The following TGM7 variants were observed in gnomAD, a reference collection of about 807,000 sequenced individuals.
The protein encoded by TGM7 is transglutaminase 7.
TGM7 carries 74 observed loss-of-function variants against 79.5 expected under a neutral mutation model. That is an observed-to-expected ratio of 0.93 (90% CI 0.77 to 1.13). TGM7 has a LOEUF of 1.13. Ranked by LOEUF, TGM7 falls within the 50% of genes most tolerant of loss-of-function variation. The probability of loss-of-function intolerance (pLI) is 0.00; values close to 1 mark genes in which losing one functional copy is unlikely to be tolerated. For missense variants in TGM7, 912 were observed against 905.9 expected (o/e 1.01, Z -0.09); for synonymous variants, 354 against 362.5 (o/e 0.98, Z 0.27).
At chr15:43,279,076 G>A in intron 11 of TGM7, 41 bp downstream of exon 11, 1 of 1,585,552 alleles carries the variant, frequency 6.3e-7, no homozygotes. Context: ...GATTGGGTGA[G>A]TCAGAGAGCC....
chr15:43,296,341 C>G (rs530408909), intron 1 of TGM7, among the ~76,000 whole-genome samples: 319 of 147,452 alleles, frequency 2.2e-3, no homozygotes, highest in African/African-American at 7.8e-3. Context: ...AGGAGAATGG[C>G]GTGAACCCGG....
intron 6 of TGM7, among the ~76,000 whole-genome samples, chr15:43,285,742 C>T (rs1191566545): frequency 1.3e-5 from 2 of 152,094 alleles, no homozygotes; most frequent in East Asian, 1.9e-4. Flanking sequence ...GCAGCAGCTC[C>T]CTCTTGTGGC....
At chr15:43,293,015 A>G in intron 2 of TGM7, 61 bp from the exon 3 acceptor site, 1 of 1,579,036 alleles carries the variant, frequency 6.3e-7, no homozygotes, top group Non-Finnish European at 8.6e-7. Flanking sequence ...ATATGATTCC[A>G]GGGGAGTCGG....
At position 43,292,098 on chromosome 15, in the gene TGM7, C is replaced by G; in HGVS notation, c.440-1G>C. On this transcript the variant is annotated splice_acceptor_variant, in intron 3 of 12. Transcript: ENST00000452443. LOFTEE classifies it high-confidence loss of function. The stretch of plus-strand genomic sequence containing the variant: ...TCACTTGGCAGGTAGACGTCGTCCT[C>G]TGAGCAGTTAAGAGTAGTGGAGGGG... 1.2e-6 allele frequency: 2 copies of G among 1,612,548 alleles called. No individual in the cohort carries two copies. The highest frequency in any genetic ancestry group is 1.7e-6 in the Non-Finnish European group (2 of 1,178,836).
In TGM7 at chr15:43,302,239, A is replaced by G. The variant is rs1197456571; in HGVS notation, c.10+2T>C. ...AAAGGTAAGTCGATTCCCAGTACTC[A>G]CCCTGATCCATCTCCCTCCTTCTCC... is the stretch of plus-strand genomic sequence containing the variant. On this transcript the variant is annotated splice_donor_variant, in intron 1 of 12. Coordinates refer to ENST00000452443, the MANE Select transcript of TGM7 (RefSeq NM_052955.3). LOFTEE classifies it high-confidence loss of function. The G allele has an allele frequency of 4.3e-6, 7 of 1,613,780 alleles. No individual in the cohort carries two copies.
intron 1 of TGM7, among the ~76,000 whole-genome samples, chr15:43,297,896 G>T (rs949815580): frequency 6.6e-6 from 1 of 152,144 alleles, no homozygotes; most frequent in Non-Finnish European, 1.5e-5. Flanking sequence ...TTAATATCTA[G>T]AATTGGTTCC....
Position 43,292,054 on chromosome 15 carries a change from A to G in TGM7, c.483T>C (p.Tyr161=). The change falls in exon 4 of 13, where the codon TAT becomes TAC. Residue 161 remains tyrosine (Y), a synonymous_variant. Coordinates refer to ENST00000452443, the MANE Select transcript of TGM7 (RefSeq NM_052955.3). ...YLPSEILLQE[Y]IMRDYGFVYK... ...AAACAAAGCCATAATCTCGCATGAT[A>G]TACTCCTGCAGCAGTATTTCACTTG... 1.2e-6 allele frequency: 2 copies of G among 1,614,018 alleles called. No individual in the cohort carries two copies. The highest frequency in any genetic ancestry group is 8.5e-7 in the Non-Finnish European group (1 of 1,179,972).
intron 4 of TGM7, among the ~76,000 whole-genome samples, chr15:43,288,489 T>G (rs1415944105): frequency 6.6e-6 from 1 of 152,156 alleles, no homozygotes; most frequent in Non-Finnish European, 1.5e-5. Context: ...TATTAAAGAA[T>G]TACTATTCTT....
Position 43,276,706 on chromosome 15 carries a change from C to G in TGM7, c.1974-92G>C, listed in dbSNP as rs1345079697. On this transcript the variant is annotated intron_variant, in intron 12 of 12. Coordinates refer to ENST00000452443, the MANE Select transcript of TGM7 (RefSeq NM_052955.3). ...CCCCTCTGGGTGGGTAAGAGGCTCC[C>G]ACTCACCACCACCACTGAGCTCAGC... 2.6e-6 allele frequency: 4 copies of G among 1,541,394 alleles called. No individual in the cohort carries two copies. The African/African-American group carries it at 5.5e-5, about 21-fold the overall frequency.
In TGM7 at chr15:43,292,051, G is replaced by T. The variant is rs567361350; in HGVS notation, c.486C>A (p.Ile162=). The T allele has an allele frequency of 6.8e-6, 11 of 1,613,898 alleles. No individual in the cohort carries two copies. Among genetic ancestry groups the T allele is most frequent in the Non-Finnish European group, 9.3e-6 (11 of 1,180,002 alleles). Residue 162 remains isoleucine (I), a synonymous_variant, in exon 4 of 13, where the codon ATC becomes ATA. Transcript: ENST00000452443. ...LPSEILLQEY[I]MRDYGFVYKG... ...TGTAAACAAAGCCATAATCTCGCAT[G>T]ATATACTCCTGCAGCAGTATTTCAC...
chr15:43,279,804 G>T lies in TGM7; in HGVS notation c.1499C>A (p.Pro500His), dbSNP rs2042897808. ...AQLQLHLARI[P>H]EWGQDLQLLL... is the part of the protein sequence containing the mutation. ...CAGCTGCAGGTCCTGGCCCCACTCG[G>T]GTATCCTGGCCAGGTGAAGCTGCAG... The change falls in exon 10 of 13, where the codon CCC (proline) becomes CAC (histidine). Residue 500 changes from proline to histidine, a missense_variant. Pro to His is a moderately conservative substitution (Grantham distance 77, BLOSUM62 -2). Coordinates refer to ENST00000452443, the MANE Select transcript of TGM7 (RefSeq NM_052955.3). The T allele has an allele frequency of 6.2e-7, 1 of 1,614,174 alleles. No homozygotes were observed. The highest frequency in any genetic ancestry group is 8.5e-7 in the Non-Finnish European group (1 of 1,180,022).
In TGM7 at chr15:43,293,642, G is replaced by T; in HGVS notation, c.11-11C>A. 1 of 1,590,966 alleles carries T rather than the reference G, an allele frequency of 6.3e-7. No homozygotes were observed. Among genetic ancestry groups the T allele is most frequent in the Non-Finnish European group, 8.5e-7 (1 of 1,170,256 alleles). ...GCCGCAAGGTTGCCACTAGGGGAGA[G>T]GAGGGGACAGGTCACGCCCACCTGC... On this transcript the variant is annotated splice_polypyrimidine_tract_variant and intron_variant, in intron 1 of 12. Coordinates refer to ENST00000452443, the MANE Select transcript of TGM7 (RefSeq NM_052955.3).
intron 2 of TGM7, 34 bp from the exon 3 acceptor site, chr15:43,292,988 C>CA (rs2042971801): frequency 6.2e-7 from 1 of 1,605,174 alleles, no homozygotes; most frequent in African/African-American, 1.3e-5. Flanking sequence ...CAGTGAGGCT[C>CA]AAAAAACCTG....
intron 1 of TGM7, among the ~76,000 whole-genome samples, chr15:43,298,717 C>T (rs1336800233): frequency 2.0e-5 from 3 of 152,052 alleles, no homozygotes; most frequent in Non-Finnish European, 4.4e-5. Flanking sequence ...CGGGCCACTG[C>T]ACTCCAGCCT....
chr15:43,285,474 TAGGTTTGAGGGTACACATGA>T (rs958082378), intron 6 of TGM7, among the ~76,000 whole-genome samples: 67 of 152,174 alleles, frequency 4.4e-4, no homozygotes, highest in African/African-American at 1.6e-3. Flanking sequence ...ACTTTTATTT[TAGGTTTGAGGGTACACATGA>T]AGGTTTGTTA....
rs200510695 is a variant in TGM7, at chr15:43,279,728, G to T, written c.1575C>A (p.Ile525=). 6.2e-7 allele frequency: 1 copy of T among 1,613,852 alleles called. No individual in the cohort carries two copies. Among genetic ancestry groups the T allele is most frequent in the East Asian group, 2.2e-5 (1 of 44,900 alleles). ...GTGCACAGAAGCGCACCACCAGTCC[G>T]ATGGGCCCCCGAGGGTGGGTGCTGT... ...VPDSTHPRGP[I]GLVVRFCAQA... Residue 525 remains isoleucine (I), a synonymous_variant, in exon 10 of 13, where the codon ATC becomes ATA. Coordinates refer to ENST00000452443, the MANE Select transcript of TGM7 (RefSeq NM_052955.3).
In TGM7 at chr15:43,276,334, G is replaced by C; in HGVS notation, c.*121C>G. On this transcript the variant is annotated 3_prime_UTR_variant, in exon 13 of 13. Transcript: ENST00000452443. The stretch of plus-strand genomic sequence containing the variant: ...CAAAGCACACGGTGTTTCTAACAGA[G>C]CTTCATTCATTCCCAGGCAGGCTAG... 1 of 1,173,694 alleles carries C rather than the reference G, an allele frequency of 8.5e-7. No homozygotes were observed. The highest frequency in any genetic ancestry group is 2.3e-5 in the Admixed American group (1 of 42,980). The allele number at this position is 1,173,694 out of a possible 1,614,324, so 72.7% of individuals were successfully genotyped here.
intron 11 of TGM7, among the ~76,000 whole-genome samples, chr15:43,278,166 G>A (rs944258302): frequency 6.6e-6 from 1 of 152,236 alleles, no homozygotes; most frequent in Non-Finnish European, 1.5e-5. Context: ...CTCTATTGGG[G>A]TGGGGAGGGG....
Position 43,292,056 on chromosome 15 carries a change from A to T in TGM7, c.481T>A (p.Tyr161Asn). The change falls in exon 4 of 13, where the codon TAT (tyrosine) becomes AAT (asparagine). Residue 161 changes from tyrosine to asparagine, a missense_variant. Transcript: ENST00000452443. ...YLPSEILLQE[Y>N]IMRDYGFVYK... ...ACAAAGCCATAATCTCGCATGATAT[A>T]CTCCTGCAGCAGTATTTCACTTGGC... 1 of 1,613,822 alleles carries T rather than the reference A, an allele frequency of 6.2e-7. No homozygotes were observed. Among genetic ancestry groups the T allele is most frequent in the South Asian group, 1.1e-5 (1 of 91,062 alleles).
Sources: allele counts gnomAD v4.1 joint callset (sites outside exome capture counted in the v4.1 genomes callset), GRCh38; gene constraint gnomAD v4.1.1; transcripts MANE v1.5; gene names NCBI Gene and HGNC (gene_info 2026-07-23, HGNC 2026-07-21).